SYNPR: variants seen among roughly 807,000 people sequenced by gnomAD.
The protein encoded by SYNPR is synaptoporin.
In SYNPR, 23 loss-of-function variants were observed where a neutral mutation model predicts 32.9. That is an observed-to-expected ratio of 0.70 (90% CI 0.50 to 0.99). The LOEUF (loss-of-function observed/expected upper bound fraction) is 0.99, where lower values mean the gene tolerates loss of function less well. SYNPR is among the 50% of genes least tolerant of loss of function. The pLI, the probability that SYNPR is intolerant of heterozygous loss-of-function variation, is 0.00. For synonymous variants in SYNPR, 146 were observed against 135.9 expected (o/e 1.07, Z -0.52); for missense variants, 318 against 349.3 (o/e 0.91, Z 0.71).
chr3:63,219,887 C>T, the SYNPR span, among the ~76,000 whole-genome samples: 1 of 152,030 alleles, frequency 6.6e-6, no homozygotes, highest in Non-Finnish European at 1.5e-5. Context: ...GAGGTAGGCA[C>T]ACTTGGTATA....
intron 3 of SYNPR, among the ~76,000 whole-genome samples, chr3:63,530,176 A>C (rs898947910): frequency 1.9e-4 from 29 of 151,972 alleles, no homozygotes; most frequent in Middle Eastern, 3.4e-3. Flanking sequence ...GGAAAAAAAA[A>C]CTCTTTTTCC....
intron 2 of SYNPR, among the ~76,000 whole-genome samples, chr3:63,468,072 G>A: frequency 6.6e-6 from 1 of 151,690 alleles, no homozygotes; most frequent in East Asian, 1.9e-4. Context: ...GGTGGCACAT[G>A]CGTCCCAGCT....
chr3:63,516,682 G>A (rs1326092599), intron 3 of SYNPR, among the ~76,000 whole-genome samples: 3 of 152,050 alleles, frequency 2.0e-5, no homozygotes, highest in Non-Finnish European at 4.4e-5. Flanking sequence ...AAAGACTACG[G>A]TCTTTCTTTC....
chr3:63,302,686 C>G (rs1916628), intron 2 of SYNPR, among the ~76,000 whole-genome samples: 127,014 of 151,954 alleles, frequency 0.84, 53,608 homozygotes, highest in African/African-American at 0.89. Flanking sequence ...TAATAAATAG[C>G]TGCAATTTAA....
chr3:63,313,448 G>A (rs1325381314), intron 2 of SYNPR, among the ~76,000 whole-genome samples: 1 of 151,300 alleles, frequency 6.6e-6, no homozygotes. Context: ...CCTCATATAA[G>A]TGAGAACATT....
intron 2 of SYNPR, among the ~76,000 whole-genome samples, chr3:63,340,651 C>T (rs369189749): frequency 2.4e-4 from 37 of 151,958 alleles, no homozygotes; most frequent in African/African-American, 8.4e-4. Flanking sequence ...GATCTCCTGA[C>T]CTCGTGATCT....
At chr3:63,511,209 G>C (rs1372943837) in intron 3 of SYNPR, among the ~76,000 whole-genome samples, 2 of 152,050 alleles carry the variant, frequency 1.3e-5, no homozygotes, top group Admixed American at 1.3e-4. Flanking sequence ...CTGCTCACGG[G>C]CTGGGGTGCT....
intron 4 of SYNPR, among the ~76,000 whole-genome samples, chr3:63,582,074 A>G (rs1703102711): frequency 1.3e-5 from 2 of 151,626 alleles, no homozygotes; most frequent in Admixed American, 1.3e-4. Context: ...ATACGGAATC[A>G]AGATGTTGCA....
At chr3:63,352,801 A>C (rs937417343) in intron 2 of SYNPR, among the ~76,000 whole-genome samples, 1 of 152,194 alleles carries the variant, frequency 6.6e-6, no homozygotes, top group Non-Finnish European at 1.5e-5. Flanking sequence ...ATGGTGGCAG[A>C]CAAGAAAGCA....
At chr3:63,602,536 A>G (rs114496390) in intron 4 of SYNPR, among the ~76,000 whole-genome samples, 3 of 152,144 alleles carry the variant, frequency 2.0e-5, no homozygotes, top group Non-Finnish European at 4.4e-5. Context: ...GGTGTAAGAA[A>G]AGGGTCCAGT....
At chr3:63,546,835 A>AT (rs1702413482) in intron 3 of SYNPR, among the ~76,000 whole-genome samples, 1 of 152,114 alleles carries the variant, frequency 6.6e-6, no homozygotes, top group Admixed American at 6.6e-5. Context: ...TTTCACTTAG[A>AT]TTTTTTCTTT....
At chr3:63,286,156 T>C (rs1344551641) in intron 2 of SYNPR, among the ~76,000 whole-genome samples, 2 of 152,170 alleles carry the variant, frequency 1.3e-5, no homozygotes, top group Non-Finnish European at 2.9e-5. Context: ...ATTTTTACCA[T>C]AGTATGAGTG....
chr3:63,397,811 C>T (rs749095164), intron 2 of SYNPR, among the ~76,000 whole-genome samples: 19 of 152,190 alleles, frequency 1.2e-4, no homozygotes, highest in South Asian at 4.1e-4. Flanking sequence ...TCAAAAAATA[C>T]GATAATGGCT....
intron 2 of SYNPR, among the ~76,000 whole-genome samples, chr3:63,445,003 C>T (rs899039053): frequency 2.0e-5 from 3 of 151,546 alleles, no homozygotes; most frequent in African/African-American, 7.3e-5. Context: ...TGGGCTGTTG[C>T]CAATTACTGC....
At chr3:63,524,850 TGC>T (rs397842697) in intron 3 of SYNPR, among the ~76,000 whole-genome samples, 1 of 124,344 alleles carries the variant, frequency 8.0e-6, no homozygotes, top group Non-Finnish European at 1.7e-5. Flanking sequence ...TGTGTGTGTG[TGC>T]ATGTGTGTGT....
chr3:63,405,870 CAAT>C (rs2107108145), intron 2 of SYNPR, among the ~76,000 whole-genome samples: 1 of 152,248 alleles, frequency 6.6e-6, no homozygotes, highest in African/African-American at 2.4e-5. Context: ...GTTCCAATAG[CAAT>C]AATAACTTAG....
Position 63,278,760 on chromosome 3 carries a change from T to C in SYNPR, c.84+18T>C. 6.4e-7 allele frequency: 1 copy of C among 1,551,332 alleles called. No individual in the cohort carries two copies. Among genetic ancestry groups the C allele is most frequent in the Non-Finnish European group, 8.7e-7 (1 of 1,146,930 alleles). On this transcript the variant is annotated intron_variant, in intron 2 of 5. Transcript: ENST00000478300. ...TGGAATTGGTGAGTAGCAGTGTGTG[T>C]GCAGGGAGGGGCGCCAGGCAGCCAG...
intron 2 of SYNPR, among the ~76,000 whole-genome samples, chr3:63,306,258 C>T (rs1575592602): frequency 1.3e-5 from 2 of 151,996 alleles, no homozygotes; most frequent in African/African-American, 4.8e-5. Flanking sequence ...TACCAGCTGA[C>T]TGCAGCCCAC....
chr3:63,596,742 A>G (rs936986600), intron 4 of SYNPR, among the ~76,000 whole-genome samples: 1 of 152,146 alleles, frequency 6.6e-6, no homozygotes, highest in Non-Finnish European at 1.5e-5. Flanking sequence ...GCTTTGGACC[A>G]TCTCAGACCA....
Sources: allele counts gnomAD v4.1 joint callset (sites outside exome capture counted in the v4.1 genomes callset), GRCh38; gene constraint gnomAD v4.1.1; transcripts MANE v1.5; gene names NCBI Gene and HGNC (gene_info 2026-07-23, HGNC 2026-07-21).